SGCZ: variants seen among roughly 807,000 people sequenced by gnomAD.
SGCZ encodes sarcoglycan zeta.
In SGCZ, 40 loss-of-function variants were observed where a neutral mutation model predicts 41.3. That is an observed-to-expected ratio of 0.97 (90% confidence interval 0.75 to 1.26). SGCZ has a LOEUF of 1.26. Among genes scored for constraint, SGCZ ranks in the 50% most tolerant of loss-of-function variants. The pLI is 0.00. For synonymous variants in SGCZ, 206 were observed against 137.5 expected (o/e 1.50, Z -3.49); for missense variants, 552 against 369.8 (o/e 1.49, Z -4.04).
chr8:14,619,041 A>G (rs1373831162), intron 1 of SGCZ, among the ~76,000 whole-genome samples: 2 of 152,094 alleles, frequency 1.3e-5, no homozygotes, highest in Admixed American at 1.3e-4. Flanking sequence ...ATGTTGGTAT[A>G]CTCTATATAT....
intron 2 of SGCZ, among the ~76,000 whole-genome samples, chr8:14,408,940 T>G (rs981217572): frequency 6.9e-6 from 1 of 145,266 alleles, no homozygotes; most frequent in African/African-American, 2.7e-5. Flanking sequence ...TAACACATTT[T>G]TAAATTAAGA....
chr8:15,027,902 T>C (rs897334705), intron 1 of SGCZ, among the ~76,000 whole-genome samples: 1 of 152,112 alleles, frequency 6.6e-6, no homozygotes, highest in African/African-American at 2.4e-5. Flanking sequence ...TAATATCTAT[T>C]AGCATATTTA....
chr8:14,261,229 C>G (rs955034110), intron 3 of SGCZ, among the ~76,000 whole-genome samples: 2 of 152,172 alleles, frequency 1.3e-5, no homozygotes, highest in African/African-American at 2.4e-5. Context: ...ACAGAGACAT[C>G]TGAGCTGCTA....
At chr8:14,778,306 T>C (rs1296015077) in intron 1 of SGCZ, among the ~76,000 whole-genome samples, 4 of 152,200 alleles carry the variant, frequency 2.6e-5, no homozygotes, top group African/African-American at 9.6e-5. Context: ...CCCAAATCTA[T>C]ATTTCAGAAT....
At chr8:14,501,203 G>T (rs1453328036) in intron 2 of SGCZ, among the ~76,000 whole-genome samples, 1 of 151,656 alleles carries the variant, frequency 6.6e-6, no homozygotes, top group Non-Finnish European at 1.5e-5. Flanking sequence ...GAAACTCACT[G>T]ACTCTTCTGC....
chr8:14,183,020 A>G (rs1477829483), intron 4 of SGCZ, among the ~76,000 whole-genome samples: 2 of 151,962 alleles, frequency 1.3e-5, no homozygotes, highest in Middle Eastern at 3.2e-3. Flanking sequence ...TCAAAAAAAA[A>G]AAAAAAAAAA....
intron 4 of SGCZ, among the ~76,000 whole-genome samples, chr8:14,181,199 G>C (rs966400843): frequency 2.6e-5 from 4 of 152,086 alleles, no homozygotes; most frequent in Non-Finnish European, 4.4e-5. Flanking sequence ...CTAAATACCC[G>C]TGTTTTCAAC....
At chr8:15,192,317 G>A (rs1368889906) in intron 1 of SGCZ, among the ~76,000 whole-genome samples, 2 of 151,874 alleles carry the variant, frequency 1.3e-5, no homozygotes, top group African/African-American at 4.8e-5. Flanking sequence ...GAGTAATGTG[G>A]GAAGAAATTT....
intron 5 of SGCZ, among the ~76,000 whole-genome samples, chr8:14,116,817 G>A (rs1051410088): frequency 3.3e-5 from 5 of 151,970 alleles, no homozygotes; most frequent in African/African-American, 7.2e-5. Context: ...GAAATGGCAC[G>A]TTTCTCCAGA....
intron 1 of SGCZ, among the ~76,000 whole-genome samples, chr8:14,938,043 T>C (rs1795675549): frequency 6.6e-6 from 1 of 152,178 alleles, no homozygotes; most frequent in South Asian, 2.1e-4. Context: ...CTGTAATTCT[T>C]GCACTTTTAG....
intron 1 of SGCZ, among the ~76,000 whole-genome samples, chr8:14,577,310 A>G (rs1302225372): frequency 6.6e-6 from 1 of 152,054 alleles, no homozygotes; most frequent in Non-Finnish European, 1.5e-5. Flanking sequence ...ATCTGATCTG[A>G]CAGATCTTCA....
At chr8:15,214,702 G>C (rs897150872) in intron 1 of SGCZ, among the ~76,000 whole-genome samples, 2 of 152,068 alleles carry the variant, frequency 1.3e-5, no homozygotes, top group African/African-American at 2.4e-5. Context: ...TCCTCACAGA[G>C]GTCATATTTA....
At chr8:14,284,910 T>C (rs1282682320) in intron 3 of SGCZ, among the ~76,000 whole-genome samples, 1 of 152,206 alleles carries the variant, frequency 6.6e-6, no homozygotes, top group Non-Finnish European at 1.5e-5. Flanking sequence ...TTTGATCATG[T>C]ATTCCTGCCA....
chr8:14,657,884 C>T (rs910661955), intron 1 of SGCZ, among the ~76,000 whole-genome samples: 1 of 152,128 alleles, frequency 6.6e-6, no homozygotes, highest in Admixed American at 6.6e-5. Context: ...TATTCTTATC[C>T]TAATAAGAAT....
intron 5 of SGCZ, among the ~76,000 whole-genome samples, chr8:14,112,887 T>C (rs559730798): frequency 6.6e-6 from 1 of 151,940 alleles, no homozygotes; most frequent in African/African-American, 2.4e-5. Flanking sequence ...CAACAGAAAA[T>C]AAATTATTTT....
chr8:15,045,601 T>A (rs2130985157), intron 1 of SGCZ, among the ~76,000 whole-genome samples: 1 of 152,244 alleles, frequency 6.6e-6, no homozygotes, highest in African/African-American at 2.4e-5. Flanking sequence ...TCTTATTATT[T>A]ATGCCAGCAA....
intron 1 of SGCZ, among the ~76,000 whole-genome samples, chr8:15,130,107 A>C (rs773513491): frequency 6.6e-6 from 1 of 152,108 alleles, no homozygotes; most frequent in Non-Finnish European, 1.5e-5. Flanking sequence ...ATGATATTTG[A>C]GGCCCTTCTC....
intron 1 of SGCZ, among the ~76,000 whole-genome samples, chr8:14,566,921 G>A (rs934895675): frequency 2.0e-5 from 3 of 152,194 alleles, no homozygotes; most frequent in African/African-American, 7.2e-5. Context: ...CACACTCAGA[G>A]CGGCCGGCTG....
In SGCZ at chr8:15,125,555, G is replaced by T. The variant is rs1807648590; in HGVS notation, c.39+112030C>A. Among the ~76,000 whole-genome samples, 3 of 151,970 alleles carry T rather than the reference G, an allele frequency of 2.0e-5. No homozygotes were observed. In the South Asian group the frequency reaches 6.2e-4, roughly 32 times the overall value. On this transcript the variant is annotated intron_variant, in intron 1 of 7. Transcript: ENST00000382080. ...TTACTAACTTACTAGCTTTCGATTT[G>T]CAGGCTCACATGTAAATGCAAAATA...
Sources: allele counts gnomAD v4.1 joint callset (sites outside exome capture counted in the v4.1 genomes callset), GRCh38; gene constraint gnomAD v4.1.1; transcripts MANE v1.5; gene names NCBI Gene and HGNC (gene_info 2026-07-23, HGNC 2026-07-21).